Variants in CLSTN2 observed in about 807,000 individuals in gnomAD.
CLSTN2 encodes the protein calsyntenin 2, also known as calsyntenin-2.
In CLSTN2, 48 loss-of-function variants were observed where a neutral mutation model predicts 101.2. That is an observed-to-expected ratio of 0.47 (90% CI 0.38 to 0.60). The LOEUF (loss-of-function observed/expected upper bound fraction) is 0.60, where lower values mean the gene tolerates loss of function less well. Among genes scored for constraint, CLSTN2 ranks in the 20% least tolerant of loss-of-function variants. The pLI is 0.00. For synonymous variants in CLSTN2, 481 were observed against 463.6 expected, an observed-to-expected ratio of 1.04 and a Z score of -0.48; for missense variants, 1,160 against 1,238.2, an observed-to-expected ratio of 0.94 and a Z score of 0.95.
chr3:140,085,198 A>G (rs534859175), intron 1 of CLSTN2, among the ~76,000 whole-genome samples: 31 of 152,196 alleles, frequency 2.0e-4, no homozygotes, highest in Non-Finnish European at 4.1e-4. Flanking sequence ...TGCCTTAGAA[A>G]AGAAATCAAC....
intron 2 of CLSTN2, among the ~76,000 whole-genome samples, chr3:140,257,560 GGGTGTGTGTGTGTGT>G (rs1559821165): frequency 1.1e-4 from 13 of 114,268 alleles, no homozygotes; most frequent in African/African-American, 4.4e-4. Context: ...TTCTTTCTAG[GGGTGTGTGTGTGTGT>G]GTGTGTGTGT....
chr3:140,399,680 T>A (rs1024759756), intron 2 of CLSTN2, among the ~76,000 whole-genome samples: 8 of 152,198 alleles, frequency 5.3e-5, no homozygotes, highest in Non-Finnish European at 8.8e-5. Context: ...CAAAACAAAC[T>A]CAACTGTTTT....
intron 1 of CLSTN2, among the ~76,000 whole-genome samples, chr3:140,133,974 G>A (rs1229932229): frequency 6.6e-6 from 1 of 152,136 alleles, no homozygotes; most frequent in African/African-American, 2.4e-5. Flanking sequence ...AATAGCCACA[G>A]CCTGTCTTGT....
At chr3:140,253,835 A>G (rs998837905) in intron 2 of CLSTN2, among the ~76,000 whole-genome samples, 107 of 151,894 alleles carry the variant, frequency 7.0e-4, no homozygotes, top group African/African-American at 2.4e-3. Flanking sequence ...TTAGTCCTCT[A>G]AGACTTGTGG....
At chr3:140,237,011 T>C (rs2086424436) in intron 2 of CLSTN2, among the ~76,000 whole-genome samples, 1 of 152,140 alleles carries the variant, frequency 6.6e-6, no homozygotes, top group Non-Finnish European at 1.5e-5. Flanking sequence ...GAACTATCTC[T>C]TCTCCTTATC....
intron 2 of CLSTN2, among the ~76,000 whole-genome samples, chr3:140,300,424 C>G (rs374987521): frequency 6.6e-6 from 1 of 152,168 alleles, no homozygotes; most frequent in Non-Finnish European, 1.5e-5. Flanking sequence ...GTGCCAAGCC[C>G]TTTCTTTGGC....
intron 1 of CLSTN2, among the ~76,000 whole-genome samples, chr3:140,013,296 A>C (rs1379894632): frequency 3.3e-5 from 5 of 152,234 alleles, no homozygotes; most frequent in Non-Finnish European, 5.9e-5. Flanking sequence ...TATGGGCCTG[A>C]AGCTCTGGAG....
chr3:140,378,467 T>G (rs1016825586), intron 2 of CLSTN2, among the ~76,000 whole-genome samples: 2 of 152,246 alleles, frequency 1.3e-5, no homozygotes, highest in African/African-American at 4.8e-5. Flanking sequence ...AATTTTTCCA[T>G]AGGTGAAGAG....
chr3:140,494,069 T>C (rs1934402778), intron 8 of CLSTN2, among the ~76,000 whole-genome samples: 3 of 152,230 alleles, frequency 2.0e-5, no homozygotes, highest in African/African-American at 7.2e-5. Context: ...TAACAACAGA[T>C]AACTTTTAAT....
chr3:140,430,872 C>T (rs1000434255), intron 5 of CLSTN2, among the ~76,000 whole-genome samples: 5 of 152,104 alleles, frequency 3.3e-5, no homozygotes, highest in Non-Finnish European at 7.3e-5. Flanking sequence ...AATCTCACAG[C>T]GGTAAATGGT....
At chr3:140,271,000 G>A (rs2107889732) in intron 2 of CLSTN2, among the ~76,000 whole-genome samples, 1 of 152,250 alleles carries the variant, frequency 6.6e-6, no homozygotes, top group Admixed American at 6.5e-5. Flanking sequence ...AGTAATTTAA[G>A]AGGGATTACT....
chr3:140,362,743 A>C (rs555318093), intron 2 of CLSTN2, among the ~76,000 whole-genome samples: 25 of 152,222 alleles, frequency 1.6e-4, no homozygotes, highest in Non-Finnish European at 3.4e-4. Flanking sequence ...GTCATTAGGG[A>C]AATGCAATTT....
At chr3:140,339,021 C>T (rs2107934654) in intron 2 of CLSTN2, among the ~76,000 whole-genome samples, 1 of 152,336 alleles carries the variant, frequency 6.6e-6, no homozygotes, top group South Asian at 2.1e-4. Context: ...ATGTGTCATG[C>T]TGCGCAGTGG....
In CLSTN2 at chr3:140,546,507, T is replaced by A. The variant is rs759217386; in HGVS notation, c.1508-8T>A. On this transcript the variant is annotated splice_polypyrimidine_tract_variant and splice_region_variant and intron_variant, in intron 9 of 16. Coordinates refer to ENST00000458420, the MANE Select transcript of CLSTN2 (RefSeq NM_022131.3). ...TCACAGGGCAAATGATGGTGTTTGT[T>A]TTTTCAGGAGGAGAAGTCACCAAAC... is the stretch of plus-strand genomic sequence containing the variant. The A allele has an allele frequency of 7.4e-6, 12 of 1,613,272 alleles. No individual in the cohort carries two copies. In the South Asian group the frequency reaches 1.3e-4, roughly 18 times the overall value.
chr3:140,150,562 A>T (rs2009848631), intron 1 of CLSTN2, among the ~76,000 whole-genome samples: 1 of 152,066 alleles, frequency 6.6e-6, no homozygotes. Context: ...CCAAAATTAA[A>T]CTTCCTGGGG....
intron 1 of CLSTN2, among the ~76,000 whole-genome samples, chr3:140,150,741 T>G (rs887010973): frequency 1.3e-5 from 2 of 152,040 alleles, no homozygotes; most frequent in Non-Finnish European, 2.9e-5. Context: ...CCTTGCTGCT[T>G]TTTTTTCTTC....
intron 2 of CLSTN2, among the ~76,000 whole-genome samples, chr3:140,380,507 C>T (rs1393286210): frequency 1.3e-5 from 2 of 152,170 alleles, no homozygotes; most frequent in Non-Finnish European, 2.9e-5. Context: ...TGCAATTCAT[C>T]CAAGTTTTGG....
chr3:140,566,388 C>A lies in CLSTN2; in HGVS notation c.*135C>A. 2 of 862,026 alleles carry A rather than the reference C, an allele frequency of 2.3e-6. No individual in the cohort carries two copies. Among genetic ancestry groups the A allele is most frequent in the Non-Finnish European group, 1.8e-6 (1 of 548,100 alleles). 53.4% of individuals were successfully genotyped at this position (862,026 alleles called of 1,614,324 possible). ...GCCTTCTCCAGCTTCCTGGAGCCCACCCTTTAAGCCTTGGGCACTCCCTGT... is the reference window on the plus strand; with the variant it reads ...GCCTTCTCCAGCTTCCTGGAGCCCAACCTTTAAGCCTTGGGCACTCCCTGT... On this transcript the variant is annotated 3_prime_UTR_variant, in exon 17 of 17. Coordinates refer to ENST00000458420, the MANE Select transcript of CLSTN2 (RefSeq NM_022131.3).
intron 2 of CLSTN2, among the ~76,000 whole-genome samples, chr3:140,383,998 C>G (rs781645598): frequency 3.3e-5 from 5 of 152,208 alleles, no homozygotes; most frequent in Admixed American, 6.5e-5. Context: ...ATTTAGAATG[C>G]ATTAGCTCCT....
Sources: gnomAD v4.1 joint callset for allele counts (sites outside exome capture counted in the v4.1 genomes callset) on GRCh38, gnomAD v4.1.1 for gene constraint, MANE v1.5 for transcripts, NCBI Gene and HGNC (gene_info 2026-07-23, HGNC 2026-07-21) for gene names.